The following LOXHD1 variants were observed in gnomAD, a reference collection of about 807,000 sequenced individuals.
The protein encoded by LOXHD1 is lipoxygenase homology domain-containing protein 1.
Under a neutral mutation model 248.2 loss-of-function variants are expected in LOXHD1, and 205 were observed. That is an observed-to-expected ratio of 0.83 (90% CI 0.74 to 0.93). LOXHD1 has a LOEUF of 0.93. Ranked by LOEUF, LOXHD1 falls within the 40% of genes least tolerant of loss-of-function variation. The probability of loss-of-function intolerance (pLI) is 0.00; values close to 1 mark genes in which losing one functional copy is unlikely to be tolerated. For missense variants in LOXHD1, 2,930 were observed against 2,971.6 expected, an observed-to-expected ratio of 0.99 and a Z score of 0.33; for synonymous variants, 1,113 against 1,162.8, an observed-to-expected ratio of 0.96 and a Z score of 0.87.
At chr18:46,592,315 C>A (rs1215016561) in intron 11 of LOXHD1, among the ~76,000 whole-genome samples, 183 bp downstream of exon 11, 1 of 152,114 alleles carries the variant, frequency 6.6e-6, no homozygotes, top group Non-Finnish European at 1.5e-5. Context: ...TAATCTACTT[C>A]GGAAGTCTCT....
At chr18:46,549,247 G>C (rs2036980694) in intron 21 of LOXHD1, among the ~76,000 whole-genome samples, 1 of 152,216 alleles carries the variant, frequency 6.6e-6, no homozygotes, top group African/African-American at 2.4e-5. Flanking sequence ...AAGGATGATG[G>C]AAGGAAAGAG....
chr18:46,648,907 G>A (rs1056718338), intron 2 of LOXHD1, among the ~76,000 whole-genome samples: 2 of 152,200 alleles, frequency 1.3e-5, no homozygotes, highest in South Asian at 4.1e-4. Flanking sequence ...CAGCTAATAT[G>A]GATTCTTGGG....
intron 37 of LOXHD1, among the ~76,000 whole-genome samples, chr18:46,495,739 G>A (rs868372947): frequency 1.3e-5 from 2 of 152,118 alleles, no homozygotes; most frequent in Non-Finnish European, 2.9e-5. Context: ...GGGAAAATTC[G>A]CCATGGAGTG....
At chr18:46,645,031 T>G (rs1307349273) in intron 2 of LOXHD1, among the ~76,000 whole-genome samples, 1 of 152,176 alleles carries the variant, frequency 6.6e-6, no homozygotes, top group Non-Finnish European at 1.5e-5. Context: ...GGGAAGGCTT[T>G]CCACATCACA....
Position 46,545,966 on chromosome 18 carries a change from T to C in LOXHD1, c.3515-545A>G, listed in dbSNP as rs929681486. ...AATCATTTTTTTTTTCAGCATGTGTTACTCTGCAGTCACCATTAGTCTGGA... is the reference window on the plus strand; with the variant it reads ...AATCATTTTTTTTTTCAGCATGTGTCACTCTGCAGTCACCATTAGTCTGGA... On this transcript the variant is annotated intron_variant, in intron 22 of 40. Coordinates refer to ENST00000642948, the MANE Select transcript of LOXHD1 (RefSeq NM_001384474.1). 5.3e-5 allele frequency among the ~76,000 whole-genome samples: 8 copies of C among 152,024 alleles called. No individual in the cohort carries two copies. In the East Asian group the frequency reaches 1.5e-3, roughly 29 times the overall value.
At chr18:46,654,082 C>G (rs555119459) in intron 1 of LOXHD1, among the ~76,000 whole-genome samples, 2 of 152,156 alleles carry the variant, frequency 1.3e-5, no homozygotes, top group African/African-American at 2.4e-5. Flanking sequence ...GCTTCCCCCT[C>G]GTGAAAGGGA....
intron 3 of LOXHD1, among the ~76,000 whole-genome samples, chr18:46,641,201 A>G (rs547338427): frequency 3.0e-4 from 46 of 152,124 alleles, no homozygotes; most frequent in Non-Finnish European, 4.9e-4. Context: ...GTGATATTGT[A>G]TTTTCTAGCA....
At chr18:46,481,678 C>A (rs1421899788) in intron 40 of LOXHD1, among the ~76,000 whole-genome samples, 1 of 152,206 alleles carries the variant, frequency 6.6e-6, no homozygotes, top group Non-Finnish European at 1.5e-5. Flanking sequence ...TCTTCCTCCC[C>A]GCTCCAGCCC....
intron 4 of LOXHD1, among the ~76,000 whole-genome samples, chr18:46,629,295 CAG>C (rs2038787527): frequency 6.6e-6 from 1 of 152,168 alleles, no homozygotes; most frequent in South Asian, 2.1e-4. Context: ...CTTTCTGACC[CAG>C]AGAGTTATTT....
chr18:46,540,654 C>CTTTTTTTTTTTTTTTTTTTTTTTTTTTTT, intron 25 of LOXHD1, among the ~76,000 whole-genome samples: 1 of 91,402 alleles, frequency 1.1e-5, no homozygotes, highest in Non-Finnish European at 2.0e-5. Flanking sequence ...AACTCTTTAT[C>CTTTTTTTTTTTTTTTTTTTTTTTTTTTTT]TTTTTTTTTT....
At chr18:46,649,044 C>A in intron 2 of LOXHD1, 111 bp downstream of exon 2, 3 of 850,230 alleles carry the variant, frequency 3.5e-6, no homozygotes, top group East Asian at 5.3e-5. Flanking sequence ...CACTTAATAA[C>A]CTGTGGTCAG....
intron 7 of LOXHD1, among the ~76,000 whole-genome samples, chr18:46,603,306 CAT>C (rs1392034379): frequency 3.3e-5 from 5 of 151,862 alleles, no homozygotes; most frequent in Non-Finnish European, 7.4e-5. Flanking sequence ...AGAGGGAAGG[CAT>C]GGGAGCAAGA....
intron 4 of LOXHD1, among the ~76,000 whole-genome samples, chr18:46,620,034 A>T (rs2038646283): frequency 6.6e-6 from 1 of 152,200 alleles, no homozygotes. Flanking sequence ...AGCCACACTC[A>T]GGTTACCTGG....
rs192606617 is a variant in LOXHD1, at chr18:46,653,221, T to A, written c.130+3683A>T. Among the ~76,000 whole-genome samples, 99 of 152,268 alleles carry A rather than the reference T, an allele frequency of 6.5e-4. 1 individual carries two copies. Among genetic ancestry groups the A allele is most frequent in the African/African-American group, 2.3e-3 (95 of 41,548 alleles). ...GAGATCACGCCACTGCACTCCAGCC[T>A]GGGTGACAGAGCGAGACTCCATCTC... On this transcript the variant is annotated intron_variant, in intron 1 of 40. Transcript: ENST00000642948.
At chr18:46,595,144 T>C (rs939407893) in intron 8 of LOXHD1, among the ~76,000 whole-genome samples, 13 of 152,224 alleles carry the variant, frequency 8.5e-5, no homozygotes, top group African/African-American at 3.1e-4. Context: ...TGACCAACCA[T>C]TGTCTTACTG....
chr18:46,531,549 G>A (rs1953873330), intron 28 of LOXHD1, among the ~76,000 whole-genome samples: 1 of 151,416 alleles, frequency 6.6e-6, no homozygotes, highest in Non-Finnish European at 1.5e-5. Context: ...GTCCCCAGGG[G>A]CTGGGATGAA....
At chr18:46,586,826 C>A (rs1599029865) in intron 12 of LOXHD1, among the ~76,000 whole-genome samples, 2 of 152,162 alleles carry the variant, frequency 1.3e-5, no homozygotes, top group South Asian at 4.2e-4. Flanking sequence ...TGGAATGAGA[C>A]AAATCACCAA....
At chr18:46,620,670 C>T (rs1226292933) in intron 4 of LOXHD1, among the ~76,000 whole-genome samples, 1 of 152,166 alleles carries the variant, frequency 6.6e-6, no homozygotes, top group East Asian at 1.9e-4. Flanking sequence ...ATGTGCCAAG[C>T]ACATTGGTGG....
At chr18:46,603,931 A>G (rs1438423679) in intron 7 of LOXHD1, among the ~76,000 whole-genome samples, 175 bp downstream of exon 7, 1 of 152,246 alleles carries the variant, frequency 6.6e-6, no homozygotes, top group Non-Finnish European at 1.5e-5. Flanking sequence ...TGGCAACAAC[A>G]GAGCCCCAGG....
Sources: gnomAD v4.1 joint callset for allele counts (sites outside exome capture counted in the v4.1 genomes callset) on GRCh38, gnomAD v4.1.1 for gene constraint, MANE v1.5 for transcripts, NCBI Gene and HGNC (gene_info 2026-07-23, HGNC 2026-07-21) for gene names.